The following KANK1 variants were observed in gnomAD, a reference collection of about 807,000 sequenced individuals.
KANK1 encodes KN motif and ankyrin repeat domain-containing protein 1.
KANK1 carries 109 observed loss-of-function variants against 106.2 expected under a neutral mutation model. That is an observed-to-expected ratio of 1.03 (90% CI 0.88 to 1.20). KANK1 has a LOEUF of 1.20. Among genes scored for constraint, KANK1 ranks in the 50% most tolerant of loss-of-function variants. KANK1 has a pLI of 0.00. For synonymous variants in KANK1, 873 were observed against 652.2 expected (o/e 1.34, Z -5.16); for missense variants, 2,399 against 1,710.7 (o/e 1.40, Z -7.10).
intron 1 of KANK1, chr9:549,212 G>C (rs564948698): frequency 3.3e-4 from 51 of 152,374 alleles, no homozygotes; most frequent in African/African-American, 1.2e-3. Flanking sequence ...GCCTGAGAGA[G>C]TAGAGAAGAC....
At chr9:501,613 TACACACACACACACACAC>T (rs60211646), upstream of KANK1, among the ~76,000 whole-genome samples, 1 of 148,546 alleles carries the variant, frequency 6.7e-6, no homozygotes, top group South Asian at 2.1e-4. Context: ...CGCACAGACA[TACACACACACACACACAC>T]ACACACACAC....
chr9:527,694 CTT>C (rs748198713), intron 1 of KANK1, among the ~76,000 whole-genome samples: 7 of 141,158 alleles, frequency 5.0e-5, no homozygotes, highest in African/African-American at 1.3e-4. Flanking sequence ...TCTAAATTGT[CTT>C]TTTTTTTTTT....
intron 1 of KANK1, among the ~76,000 whole-genome samples, chr9:636,766 C>G (rs1014195292): frequency 6.6e-6 from 1 of 152,196 alleles, no homozygotes; most frequent in African/African-American, 2.4e-5. Flanking sequence ...ACTCAGGAGG[C>G]TGAGGCAGGA....
intron 1 of KANK1, among the ~76,000 whole-genome samples, chr9:556,632 T>G (rs981561167): frequency 4.6e-5 from 7 of 152,240 alleles, no homozygotes; most frequent in Admixed American, 1.3e-4. Context: ...CTTGTTCCAT[T>G]AAGATAATTC....
intron 1 of KANK1, among the ~76,000 whole-genome samples, chr9:590,380 C>T (rs1024664620): frequency 6.6e-6 from 1 of 152,126 alleles, no homozygotes; most frequent in Non-Finnish European, 1.5e-5. Flanking sequence ...TTACCATTTT[C>T]TCATCCAACT....
intron 7 of KANK1, among the ~76,000 whole-genome samples, chr9:737,107 G>T (rs1303701929): frequency 6.6e-6 from 1 of 152,168 alleles, no homozygotes; most frequent in East Asian, 1.9e-4. Flanking sequence ...GCCAGGGCTA[G>T]ATAATCATGT....
At chr9:703,719 C>CTT (rs200369981) in intron 2 of KANK1, among the ~76,000 whole-genome samples, 6 of 148,104 alleles carry the variant, frequency 4.1e-5, no homozygotes, top group African/African-American at 2.5e-5. Context: ...TTAAACTGCT[C>CTT]TTTTTTTTTT....
chr9:637,371 C>T (rs990156216), intron 1 of KANK1, among the ~76,000 whole-genome samples: 3 of 152,088 alleles, frequency 2.0e-5, no homozygotes, highest in Non-Finnish European at 2.9e-5. Flanking sequence ...ACTTGTATAG[C>T]CCATTTTGTA....
In KANK1 at chr9:712,823, C is replaced by T; in HGVS notation, c.2057C>T (p.Thr686Ile). The change falls in exon 3 of 12, where the codon ACC becomes ATC. Residue 686 changes from threonine (T) to isoleucine (I), a missense_variant. Transcript: ENST00000382297. ...GAACAGGTGCACCAGTTCACCAACA[C>T]CGAGACGGCCACCCTCATAGAGTCC... ...DLEQVHQFTN[T>I]ETATLIESCT... 6.2e-7 allele frequency: 1 copy of T among 1,613,972 alleles called. No homozygotes were observed. Among genetic ancestry groups the T allele is most frequent in the East Asian group, 2.2e-5 (1 of 44,862 alleles).
intron 3 of KANK1, chr9:484,625 A>C (rs2058260125): frequency 6.6e-6 from 1 of 152,236 alleles, no homozygotes; most frequent in Non-Finnish European, 1.5e-5. Flanking sequence ...AGAGATAAGG[A>C]GAGGCAAGAT....
intron 1 of KANK1, among the ~76,000 whole-genome samples, chr9:606,637 TA>T (rs1829268232): frequency 3.0e-5 from 2 of 67,106 alleles, no homozygotes; most frequent in Non-Finnish European, 1.2e-4. Flanking sequence ...TATTTATATA[TA>T]TTACATATAT....
chr9:704,335 G>T (rs1041554903), intron 2 of KANK1, among the ~76,000 whole-genome samples: 7 of 152,134 alleles, frequency 4.6e-5, no homozygotes, highest in Admixed American at 1.3e-4. Context: ...CTAGTACATC[G>T]TTCCTCCACC....
intron 3 of KANK1, among the ~76,000 whole-genome samples, chr9:481,395 T>G (rs759885944): frequency 6.6e-6 from 1 of 152,204 alleles, no homozygotes; most frequent in Non-Finnish European, 1.5e-5. Context: ...GCTCCTGGAC[T>G]AGCAAATCCT....
chr9:565,259 T>C (rs1817530404), intron 1 of KANK1, among the ~76,000 whole-genome samples: 1 of 152,152 alleles, frequency 6.6e-6, no homozygotes, highest in Non-Finnish European at 1.5e-5. Flanking sequence ...AAGAGAAAAA[T>C]GGTAGCAGCT....
At chr9:586,708 G>C (rs187788204) in intron 1 of KANK1, among the ~76,000 whole-genome samples, 5 of 152,192 alleles carry the variant, frequency 3.3e-5, no homozygotes, top group Non-Finnish European at 7.4e-5. Context: ...ACACACGGAG[G>C]AGGAGAACAG....
At chr9:739,307 GAT>G (rs1834695451) in intron 8 of KANK1, among the ~76,000 whole-genome samples, 1 of 152,154 alleles carries the variant, frequency 6.6e-6, no homozygotes. Context: ...ATCTCAGTCT[GAT>G]TAATGAGGAT....
At position 554,253 on chromosome 9, in the gene KANK1, G is replaced by A. The variant is rs75941793; in HGVS notation, c.-84+49499G>A. ...GGCTGAGAACCTGGGAGCACCTGGC[G>A]TAAGTTTCCATCTCCATCTGAGTCT... On this transcript the variant is annotated intron_variant, in intron 1 of 11. Transcript: ENST00000382297. 6.6e-3 allele frequency among the ~76,000 whole-genome samples: 1,010 copies of A among 152,272 alleles called. 8 individuals are homozygous for A. The highest frequency in any genetic ancestry group is 9.5e-3 in the Non-Finnish European group (643 of 68,026).
chr9:512,324 A>G (rs188798335), intron 1 of KANK1, among the ~76,000 whole-genome samples: 22 of 152,202 alleles, frequency 1.4e-4, no homozygotes, highest in African/African-American at 5.1e-4. Context: ...CTAGTCCTAA[A>G]TACTGCATTG....
chr9:577,208 T>C lies in KANK1; in HGVS notation c.-84+72454T>C, dbSNP rs535326887. On this transcript the variant is annotated intron_variant, in intron 1 of 11. Coordinates refer to ENST00000382297, the MANE Select transcript of KANK1 (RefSeq NM_015158.5). ...GCCTCTGCTGGCTCTGGTGGCCAGA[T>C]TTTATTCCCTTATTTGGCCCCGCCC... Among the ~76,000 whole-genome samples, 8 of 152,204 alleles carry C rather than the reference T, an allele frequency of 5.3e-5. No individual in the cohort carries two copies. In the East Asian group the frequency reaches 9.6e-4, roughly 18 times the overall value.
Sources: allele counts gnomAD v4.1 joint callset (sites outside exome capture counted in the v4.1 genomes callset), GRCh38; gene constraint gnomAD v4.1.1; transcripts MANE v1.5; gene names NCBI Gene and HGNC (gene_info 2026-07-23, HGNC 2026-07-21).